Variants in MYO3B observed in about 807,000 individuals in gnomAD.
The protein encoded by MYO3B is myosin-IIIb.
A neutral mutation model predicts 174.6 loss-of-function variants in MYO3B; 156 were observed. The observed-to-expected ratio is 0.89, with a 90% confidence interval of 0.78 to 1.02. The LOEUF is 1.02. Ranked by LOEUF, MYO3B falls within the 50% of genes least tolerant of loss-of-function variation. The pLI is 0.00. For synonymous variants in MYO3B, 563 were observed against 569.1 expected (o/e 0.99, Z 0.15); for missense variants, 1,632 against 1,639.4 (o/e 1.00, Z 0.08).
At chr2:170,492,419 G>A (rs1278663780) in intron 25 of MYO3B, among the ~76,000 whole-genome samples, 1 of 152,176 alleles carries the variant, frequency 6.6e-6, no homozygotes, top group African/African-American at 2.4e-5. Flanking sequence ...GGTAGCTCTC[G>A]ACATGTGGTA....
intron 1 of MYO3B, among the ~76,000 whole-genome samples, chr2:170,189,683 A>C (rs2092515440): frequency 1.3e-5 from 2 of 151,930 alleles, no homozygotes; most frequent in African/African-American, 4.8e-5. Context: ...GATTGTTTTA[A>C]ATTATTTCAA....
intron 32 of MYO3B, chr2:170,648,212 C>T (rs1384786529): frequency 6.6e-6 from 1 of 152,204 alleles, no homozygotes; most frequent in Non-Finnish European, 1.5e-5. Context: ...GTTCTGAGGA[C>T]TTTGCCAGCA....
At chr2:170,227,450 A>G (rs1428725864) in intron 6 of MYO3B, among the ~76,000 whole-genome samples, 1 of 119,886 alleles carries the variant, frequency 8.3e-6, no homozygotes, top group Non-Finnish European at 1.7e-5. Context: ...ACGCCCCGCT[A>G]ATTTTTGTAT....
intron 6 of MYO3B, among the ~76,000 whole-genome samples, chr2:170,221,274 C>T (rs1391068172): frequency 1.3e-5 from 2 of 152,066 alleles, no homozygotes; most frequent in Non-Finnish European, 2.9e-5. Context: ...ATGACTTGTG[C>T]TTTATTTTTA....
intron 32 of MYO3B, among the ~76,000 whole-genome samples, chr2:170,574,225 T>A (rs1009130438): frequency 6.6e-6 from 1 of 152,214 alleles, no homozygotes; most frequent in African/African-American, 2.4e-5. Context: ...ATGATATGCA[T>A]GCACGGTAGG....
At chr2:170,514,069 T>C (rs1222128403) in intron 28 of MYO3B, among the ~76,000 whole-genome samples, 1 of 152,136 alleles carries the variant, frequency 6.6e-6, no homozygotes, top group Admixed American at 6.5e-5. Flanking sequence ...GACAGGGTTA[T>C]TGCCTCGGGG....
chr2:170,437,210 C>T (rs2105897556), intron 22 of MYO3B, among the ~76,000 whole-genome samples: 1 of 151,320 alleles, frequency 6.6e-6, no homozygotes, highest in East Asian at 1.9e-4. Flanking sequence ...CCACTCCCTA[C>T]CCCACTGATT....
At chr2:170,414,627 G>A (rs2094566718) in intron 22 of MYO3B, among the ~76,000 whole-genome samples, 1 of 152,150 alleles carries the variant, frequency 6.6e-6, no homozygotes, top group Admixed American at 6.5e-5. Flanking sequence ...AGTCCTGCTG[G>A]GATTTTGACT....
chr2:170,429,571 T>G (rs887807698), intron 22 of MYO3B, among the ~76,000 whole-genome samples: 1 of 152,210 alleles, frequency 6.6e-6, no homozygotes, highest in South Asian at 2.1e-4. Context: ...AAATAATAAA[T>G]GTTTTAATGC....
chr2:170,456,578 C>T (rs1053847273), intron 23 of MYO3B, among the ~76,000 whole-genome samples: 1 of 152,178 alleles, frequency 6.6e-6, no homozygotes, highest in African/African-American at 2.4e-5. Context: ...TTCATTAGAA[C>T]TATTTTTCTT....
intron 9 of MYO3B, among the ~76,000 whole-genome samples, chr2:170,378,153 T>C (rs2094307937): frequency 6.6e-6 from 1 of 152,210 alleles, no homozygotes; most frequent in African/African-American, 2.4e-5. Context: ...TAACGCTTTT[T>C]ATAAGCTTAT....
intron 8 of MYO3B, among the ~76,000 whole-genome samples, chr2:170,357,338 A>ATT (rs1376099932): frequency 1.6e-5 from 2 of 126,892 alleles, no homozygotes; most frequent in Non-Finnish European, 3.6e-5. Context: ...AATAATATAT[A>ATT]TTATATATAT....
intron 7 of MYO3B, among the ~76,000 whole-genome samples, chr2:170,330,029 A>G (rs1009070044): frequency 1.3e-5 from 2 of 152,142 alleles, no homozygotes; most frequent in South Asian, 4.2e-4. Context: ...GGATGTTAAC[A>G]ATTGTTTCTT....
At chr2:170,606,609 A>G (rs988751081) in intron 32 of MYO3B, among the ~76,000 whole-genome samples, 1 of 152,224 alleles carries the variant, frequency 6.6e-6, no homozygotes, top group Non-Finnish European at 1.5e-5. Context: ...CCCACCTAAT[A>G]CATTCCTAGA....
At chr2:170,479,772 T>C (rs1685563847) in intron 25 of MYO3B, among the ~76,000 whole-genome samples, 3 of 147,998 alleles carry the variant, frequency 2.0e-5, no homozygotes, top group South Asian at 4.3e-4. Context: ...TGTAACTGAA[T>C]GTTAACTTTG....
intron 7 of MYO3B, among the ~76,000 whole-genome samples, chr2:170,267,104 G>A (rs904246254): frequency 1.9e-5 from 1 of 53,296 alleles, no homozygotes; most frequent in Non-Finnish European, 7.7e-5. Flanking sequence ...CTCAACAGAT[G>A]AAAGTTTATT....
At chr2:170,530,954 C>G (rs1248049037) in intron 30 of MYO3B, among the ~76,000 whole-genome samples, 3 of 152,178 alleles carry the variant, frequency 2.0e-5, no homozygotes, top group Non-Finnish European at 4.4e-5. Context: ...TAGTGAATTT[C>G]TCTGCTCTAC....
chr2:170,551,362 T>TTATG (rs1474637627), intron 32 of MYO3B, among the ~76,000 whole-genome samples: 153 of 139,858 alleles, frequency 1.1e-3, no homozygotes, highest in African/African-American at 3.6e-3. Flanking sequence ...ATTTATTTAT[T>TTATG]TATTTATTTA....
intron 25 of MYO3B, among the ~76,000 whole-genome samples, chr2:170,483,292 A>G (rs1450505205): frequency 6.6e-6 from 1 of 152,074 alleles, no homozygotes; most frequent in African/African-American, 2.4e-5. Context: ...TGAAGGCATT[A>G]AATAATATCT....
Sources: allele counts gnomAD v4.1 joint callset (sites outside exome capture counted in the v4.1 genomes callset), GRCh38; gene constraint gnomAD v4.1.1; transcripts MANE v1.5; gene names NCBI Gene and HGNC (gene_info 2026-07-23, HGNC 2026-07-21).